The following SCFD2 variants were observed in gnomAD, a reference collection of about 807,000 sequenced individuals.
The protein encoded by SCFD2 is sec1 family domain-containing protein 2.
A neutral mutation model predicts 58.9 loss-of-function variants in SCFD2; 54 were observed. The ratio of observed to expected loss-of-function variants is 0.92; its 90% CI spans 0.74 to 1.15. The LOEUF (loss-of-function observed/expected upper bound fraction) is 1.15. Ranked by LOEUF, SCFD2 falls within the 50% of genes most tolerant of loss-of-function variation. The probability of loss-of-function intolerance (pLI) is 0.00; values close to 1 mark genes in which losing one functional copy is unlikely to be tolerated. For missense variants in SCFD2, 805 were observed against 836.6 expected (o/e 0.96, Z 0.47); for synonymous variants, 321 against 335.9 (o/e 0.96, Z 0.49).
In SCFD2 at chr4:52,921,872, G is replaced by A. The variant is rs7695345; in HGVS notation, c.1562-1002C>T. Among the ~76,000 whole-genome samples, 612 of 152,218 alleles carry A rather than the reference G, an allele frequency of 4.0e-3. 8 individuals carry two copies. Among genetic ancestry groups the A allele is most frequent in the African/African-American group, 0.014 (581 of 41,542 alleles). On this transcript the variant is annotated intron_variant, in intron 5 of 8. Coordinates refer to ENST00000401642, the MANE Select transcript of SCFD2 (RefSeq NM_152540.4). Reference sequence around the variant, plus strand: ...TAGAAGCATGTTTGGCTTGTGTATGGGGCAGGCTGGGAGTGCTGGGGAGTC... The same window carrying A: ...TAGAAGCATGTTTGGCTTGTGTATGAGGCAGGCTGGGAGTGCTGGGGAGTC...
chr4:53,237,757 G>T (rs1299938788), intron 4 of SCFD2, among the ~76,000 whole-genome samples: 1 of 103,196 alleles, frequency 9.7e-6, no homozygotes, highest in South Asian at 3.9e-4. Context: ...CGGGGCGGCT[G>T]GCCGGGCGGG....
chr4:53,279,336 G>A (rs1210635691), intron 3 of SCFD2, among the ~76,000 whole-genome samples: 4 of 151,918 alleles, frequency 2.6e-5, no homozygotes, highest in Non-Finnish European at 4.4e-5. Flanking sequence ...TGCCCAGGTT[G>A]GTATCAAACT....
chr4:52,874,930 A>G (rs1472749644), intron 8 of SCFD2, among the ~76,000 whole-genome samples: 3 of 152,240 alleles, frequency 2.0e-5, no homozygotes, highest in Non-Finnish European at 4.4e-5. Context: ...AATGATAGTG[A>G]TAACTAATAC....
intron 4 of SCFD2, among the ~76,000 whole-genome samples, chr4:53,218,939 G>C (rs555918337): frequency 6.6e-6 from 1 of 152,330 alleles, no homozygotes; most frequent in South Asian, 2.1e-4. Flanking sequence ...AGCAGCGGAG[G>C]CTGCAGAACA....
rs577426901 is a variant in SCFD2, at chr4:53,039,410, T to A, written c.1561+105923A>T. On this transcript the variant is annotated intron_variant, in intron 5 of 8. Transcript: ENST00000401642. ...TTCTTGCTCAAAATCTTCCAGTGACTCCCAGCTGCCCATAGAATGTAGCCT... is the reference window on the plus strand; with the variant it reads ...TTCTTGCTCAAAATCTTCCAGTGACACCCAGCTGCCCATAGAATGTAGCCT... Among the ~76,000 whole-genome samples, 5 of 152,184 alleles carry A rather than the reference T, an allele frequency of 3.3e-5. 1 individual carries two copies. The South Asian group carries it at 8.3e-4, about 25-fold the overall frequency.
At chr4:53,273,021 T>A (rs979258477) in intron 4 of SCFD2, among the ~76,000 whole-genome samples, 1 of 152,086 alleles carries the variant, frequency 6.6e-6, no homozygotes, top group Non-Finnish European at 1.5e-5. Flanking sequence ...CTTGTAATTA[T>A]CTCTAGGGAA....
At chr4:53,160,332 G>C (rs1726816230) in intron 4 of SCFD2, among the ~76,000 whole-genome samples, 1 of 152,202 alleles carries the variant, frequency 6.6e-6, no homozygotes, top group Admixed American at 6.5e-5. Flanking sequence ...TATAGGCAGG[G>C]AGACAGGAAG....
chr4:53,057,626 C>G (rs1204884961), intron 5 of SCFD2, among the ~76,000 whole-genome samples: 1 of 151,998 alleles, frequency 6.6e-6, no homozygotes, highest in East Asian at 1.9e-4. Flanking sequence ...ACACATATAC[C>G]TATGTAACAA....
At chr4:53,084,645 G>C (rs937659711) in intron 5 of SCFD2, among the ~76,000 whole-genome samples, 6 of 152,134 alleles carry the variant, frequency 3.9e-5, no homozygotes, top group African/African-American at 1.4e-4. Context: ...CTCTGCTGTG[G>C]CTCCAGCTGG....
chr4:53,176,951 A>G (rs1427314084), intron 4 of SCFD2, among the ~76,000 whole-genome samples: 6 of 148,548 alleles, frequency 4.0e-5, no homozygotes, highest in African/African-American at 1.2e-4. Flanking sequence ...CAATCTCAAA[A>G]AAAAAAAAAA....
chr4:53,092,438 C>T (rs1353393475), intron 5 of SCFD2, among the ~76,000 whole-genome samples: 1 of 152,110 alleles, frequency 6.6e-6, no homozygotes, highest in Non-Finnish European at 1.5e-5. Context: ...ATTACACTCT[C>T]ATGCATTTAA....
chr4:53,012,445 AT>A (rs776207810), intron 5 of SCFD2, among the ~76,000 whole-genome samples: 109 of 152,118 alleles, frequency 7.2e-4, no homozygotes, highest in African/African-American at 2.1e-3. Flanking sequence ...TCCTGGTCAA[AT>A]AGGTTGGTCC....
intron 4 of SCFD2, among the ~76,000 whole-genome samples, chr4:53,154,966 T>C (rs1726622404): frequency 1.3e-5 from 2 of 152,182 alleles, no homozygotes; most frequent in Non-Finnish European, 2.9e-5. Context: ...ACAAATTCTC[T>C]CCTAGAGCCT....
At chr4:53,274,836 G>A (rs17082560) in intron 3 of SCFD2, among the ~76,000 whole-genome samples, 2,514 of 152,206 alleles carry the variant, frequency 0.017, 78 homozygotes, top group African/African-American at 0.057. Flanking sequence ...CTTGGACATC[G>A]GATTCTCCCC....
At chr4:53,084,603 A>G (rs1414093881) in intron 5 of SCFD2, among the ~76,000 whole-genome samples, 1 of 152,210 alleles carries the variant, frequency 6.6e-6, no homozygotes, top group Non-Finnish European at 1.5e-5. Context: ...ATAAATGTCC[A>G]TATTAATATG....
At chr4:53,218,976 G>T (rs564463351) in intron 4 of SCFD2, among the ~76,000 whole-genome samples, 1 of 152,302 alleles carries the variant, frequency 6.6e-6, no homozygotes, top group Admixed American at 6.5e-5. Flanking sequence ...AGCAAATGTT[G>T]TTGCCTGATC....
chr4:53,363,398 C>G (rs1255739863), intron 1 of SCFD2, among the ~76,000 whole-genome samples: 3 of 152,044 alleles, frequency 2.0e-5, no homozygotes, highest in Admixed American at 6.5e-5. Context: ...GTCTGCCCCC[C>G]TCAGCCTCCC....
intron 6 of SCFD2, among the ~76,000 whole-genome samples, chr4:52,910,969 C>T (rs1410930670): frequency 6.6e-6 from 1 of 152,108 alleles, no homozygotes; most frequent in Non-Finnish European, 1.5e-5. Context: ...TCAATTAAAC[C>T]TCTTTTCTTT....
chr4:53,178,166 T>C (rs1364238658), intron 4 of SCFD2, among the ~76,000 whole-genome samples: 1 of 152,060 alleles, frequency 6.6e-6, no homozygotes, highest in Non-Finnish European at 1.5e-5. Context: ...GAGTAGTGGT[T>C]CTCCCGTCAT....
Sources: gnomAD v4.1 joint callset for allele counts (sites outside exome capture counted in the v4.1 genomes callset) on GRCh38, gnomAD v4.1.1 for gene constraint, MANE v1.5 for transcripts, NCBI Gene and HGNC (gene_info 2026-07-23, HGNC 2026-07-21) for gene names.